The following TENM2 variants were observed in gnomAD, a reference collection of about 807,000 sequenced individuals.
TENM2 encodes the protein teneurin-2.
Under a neutral mutation model 245.2 loss-of-function variants are expected in TENM2, and 52 were observed. That is an observed-to-expected ratio of 0.21 (90% confidence interval 0.17 to 0.27). The LOEUF is 0.27. TENM2 is among the 10% of genes least tolerant of loss of function. The probability of loss-of-function intolerance (pLI) is 1.00; values close to 1 mark genes in which losing one functional copy is unlikely to be tolerated. For missense variants in TENM2, 3,046 were observed against 3,666.8 expected, an observed-to-expected ratio of 0.83 and a Z score of 4.37; for synonymous variants, 1,363 against 1,438.9, an observed-to-expected ratio of 0.95 and a Z score of 1.19.
At chr5:167,028,802 G>A in the TENM2 span, among the ~76,000 whole-genome samples, 1 of 152,002 alleles carries the variant, frequency 6.6e-6, no homozygotes, top group Non-Finnish European at 1.5e-5. Context: ...TCATCTATGA[G>A]GTTGTTAGTA....
At chr5:167,338,647 C>G (rs1757917357) in intron 1 of TENM2, among the ~76,000 whole-genome samples, 1 of 152,104 alleles carries the variant, frequency 6.6e-6, no homozygotes, top group South Asian at 2.1e-4. Flanking sequence ...GAAGGTAACC[C>G]CAATTATATG....
chr5:167,135,647 C>T, the TENM2 span, among the ~76,000 whole-genome samples: 1,840 of 152,096 alleles, frequency 0.012, 18 homozygotes, highest in Non-Finnish European at 0.021. Context: ...ATGGGTGGCG[C>T]GCACCTGTAG....
At chr5:167,486,022 C>A (rs1246426473) in intron 2 of TENM2, among the ~76,000 whole-genome samples, 1 of 152,012 alleles carries the variant, frequency 6.6e-6, no homozygotes, top group Non-Finnish European at 1.5e-5. Flanking sequence ...AGTAGAAATA[C>A]CTCCCCTTAG....
chr5:167,368,379 T>C (rs1760193003), intron 1 of TENM2, among the ~76,000 whole-genome samples: 2 of 152,198 alleles, frequency 1.3e-5, no homozygotes, highest in Non-Finnish European at 2.9e-5. Flanking sequence ...CCACATTATA[T>C]CCTTCCCTTT....
chr5:167,203,816 T>C, the TENM2 span, among the ~76,000 whole-genome samples: 2 of 151,714 alleles, frequency 1.3e-5, no homozygotes, highest in African/African-American at 4.8e-5. Context: ...GTTGCCTCTA[T>C]TGAATAGATG....
chr5:168,092,946 ATGGAGT>A (rs1793065232), intron 8 of TENM2, among the ~76,000 whole-genome samples: 1 of 152,190 alleles, frequency 6.6e-6, no homozygotes, highest in African/African-American at 2.4e-5. Flanking sequence ...TCCTCAACCC[ATGGAGT>A]AGCCACATGA....
At chr5:167,838,320 G>A (rs1769191436) in intron 2 of TENM2, among the ~76,000 whole-genome samples, 1 of 152,218 alleles carries the variant, frequency 6.6e-6, no homozygotes, top group Non-Finnish European at 1.5e-5. Flanking sequence ...GCAGCTGACT[G>A]GCTGCTGTGG....
intron 2 of TENM2, among the ~76,000 whole-genome samples, chr5:167,869,502 G>A (rs886767023): frequency 6.6e-6 from 1 of 152,204 alleles, no homozygotes; most frequent in African/African-American, 2.4e-5. Flanking sequence ...AGGGGTATAA[G>A]CAAAATCACT....
At chr5:167,859,432 G>A (rs1390697059) in intron 2 of TENM2, among the ~76,000 whole-genome samples, 1,732 of 135,824 alleles carry the variant, frequency 0.013, no homozygotes, top group African/African-American at 0.048. Context: ...GGTGAGGGGC[G>A]CCTCTGCCCG....
chr5:167,751,584 T>C (rs1761961817), intron 2 of TENM2, among the ~76,000 whole-genome samples: 1 of 152,168 alleles, frequency 6.6e-6, no homozygotes, highest in Non-Finnish European at 1.5e-5. Flanking sequence ...AAATAGCTTC[T>C]TAGATGACAA....
chr5:168,160,743 A>C (rs896780741), intron 12 of TENM2, among the ~76,000 whole-genome samples: 2 of 152,298 alleles, frequency 1.3e-5, no homozygotes, highest in Non-Finnish European at 1.5e-5. Flanking sequence ...CCACTGGCCA[A>C]GCATAATGCT....
chr5:167,034,296 T>C, the TENM2 span, among the ~76,000 whole-genome samples: 1 of 152,120 alleles, frequency 6.6e-6, no homozygotes, highest in African/African-American at 2.4e-5. Flanking sequence ...CTTCCAATGG[T>C]CAGTAACAAA....
At chr5:167,034,577 C>T in the TENM2 span, among the ~76,000 whole-genome samples, 1 of 142,650 alleles carries the variant, frequency 7.0e-6, no homozygotes, top group East Asian at 2.0e-4. Flanking sequence ...TTGCAGTGAG[C>T]CGAGATCCCG....
At chr5:167,101,835 TTATATATATATATTTATATA>T in the TENM2 span, among the ~76,000 whole-genome samples, 3 of 50,854 alleles carry the variant, frequency 5.9e-5, no homozygotes, top group African/African-American at 1.4e-4. Context: ...CTCTTGACAT[TTATATATATATATTTATATA>T]TATATATATA....
At chr5:167,785,443 G>C (rs1441409174) in intron 2 of TENM2, among the ~76,000 whole-genome samples, 1 of 152,162 alleles carries the variant, frequency 6.6e-6, no homozygotes, top group Non-Finnish European at 1.5e-5. Flanking sequence ...CAGACCTAGA[G>C]AGTAGCTAAC....
chr5:167,171,015 A>G, the TENM2 span, among the ~76,000 whole-genome samples: 1 of 151,914 alleles, frequency 6.6e-6, no homozygotes, highest in Admixed American at 6.6e-5. Flanking sequence ...CTTCCCTTCC[A>G]CAGCTCTGTC....
exon 21 of TENM2, chr5:168,215,229 G>T (rs370958712): frequency 9.9e-6 from 16 of 1,613,808 alleles, no homozygotes; most frequent in African/African-American, 1.3e-5. Flanking sequence ...CCCGCTGCGG[G>T]GATGGAGGGA....
At chr5:167,211,392 A>G in the TENM2 span, among the ~76,000 whole-genome samples, 1 of 152,258 alleles carries the variant, frequency 6.6e-6, no homozygotes, top group African/African-American at 2.4e-5. Flanking sequence ...ATAAAATTAG[A>G]TGATTTGATC....
chr5:167,803,333 A>G (rs1020986854), intron 2 of TENM2, among the ~76,000 whole-genome samples: 4 of 152,148 alleles, frequency 2.6e-5, no homozygotes, highest in African/African-American at 9.7e-5. Context: ...CTTTGAACAG[A>G]TAGAAATTTG....
Sources: allele counts gnomAD v4.1 joint callset (sites outside exome capture counted in the v4.1 genomes callset), GRCh38; gene constraint gnomAD v4.1.1; transcripts MANE v1.5; gene names NCBI Gene and HGNC (gene_info 2026-07-23, HGNC 2026-07-21).